CACNA1D: variants seen among roughly 807,000 people sequenced by gnomAD.
CACNA1D encodes the protein voltage-dependent L-type calcium channel subunit alpha-1D.
CACNA1D carries 55 observed loss-of-function variants against 257.1 expected under a neutral mutation model. The ratio of observed to expected loss-of-function variants is 0.21; its 90% confidence interval spans 0.17 to 0.27. The LOEUF is 0.27. Ranked by LOEUF, CACNA1D falls within the 10% of genes least tolerant of loss-of-function variation. CACNA1D has a pLI of 1.00. For synonymous variants in CACNA1D, 980 were observed against 1,014.9 expected, an observed-to-expected ratio of 0.97 and a Z score of 0.65; for missense variants, 1,876 against 2,784.0, an observed-to-expected ratio of 0.67 and a Z score of 7.34.
chr3:53,677,052 A>G (rs970375120), intron 8 of CACNA1D, among the ~76,000 whole-genome samples: 13 of 152,100 alleles, frequency 8.5e-5, no homozygotes, highest in African/African-American at 2.9e-4. Flanking sequence ...AAGTTTGGCA[A>G]TTTTTCACTT....
rs1369663787 is a variant in CACNA1D at position 53,745,653 on chromosome 3, C to A, written c.3036C>A (p.Ile1012=). The change falls in exon 24 of 48, where the codon ATC becomes ATA. Residue 1012 remains isoleucine (I), a synonymous_variant. Transcript: ENST00000350061. ...KHVVQCVFVA[I]RTIGNIMIVT... ...TGGTCCAGTGCGTCTTCGTGGCCAT[C>A]CGGACCATCGGCAACATCATGATCG... The A allele has an allele frequency of 1.9e-6, 3 of 1,613,878 alleles. No homozygotes were observed. Among genetic ancestry groups the A allele is most frequent in the Non-Finnish European group, 2.5e-6 (3 of 1,179,856 alleles).
chr3:53,641,920 TTCTC>T (rs1471228852), intron 3 of CACNA1D, among the ~76,000 whole-genome samples: 1 of 152,152 alleles, frequency 6.6e-6, no homozygotes, highest in African/African-American at 2.4e-5. Flanking sequence ...CTACTGAAGA[TTCTC>T]TCTCTCAGAT....
intron 10 of CACNA1D, 182 bp downstream of exon 10, chr3:53,718,570 T>G: frequency 1.4e-6 from 1 of 717,958 alleles, no homozygotes; most frequent in Non-Finnish European, 2.4e-6. Context: ...CCTGCACACC[T>G]CCCCACCCCC....
At chr3:53,506,897 A>G (rs757264805) in intron 3 of CACNA1D, among the ~76,000 whole-genome samples, 3 of 152,088 alleles carry the variant, frequency 2.0e-5, no homozygotes, top group Non-Finnish European at 4.4e-5. Context: ...TGGATGTGTG[A>G]CTGTCACCTT....
intron 3 of CACNA1D, among the ~76,000 whole-genome samples, chr3:53,555,437 G>GGTGTGTGT (rs1165879084): frequency 3.7e-4 from 46 of 122,900 alleles, no homozygotes; most frequent in African/African-American, 7.2e-4. Context: ...TTTTCTGGTG[G>GGTGTGTGT]GTGTGTGTGT....
chr3:53,805,953 CCCT>C (rs1304167603), intron 45 of CACNA1D, among the ~76,000 whole-genome samples: 5 of 130,970 alleles, frequency 3.8e-5, no homozygotes, highest in Admixed American at 7.4e-5. Context: ...CCCTCATCTT[CCCT>C]CCTCCTCCCT....
intron 3 of CACNA1D, among the ~76,000 whole-genome samples, chr3:53,556,774 G>A (rs868566481): frequency 6.6e-6 from 1 of 151,150 alleles, no homozygotes; most frequent in Admixed American, 6.6e-5. Context: ...GGAGTGCAGC[G>A]ATGTGATCTT....
intron 8 of CACNA1D, among the ~76,000 whole-genome samples, chr3:53,701,515 G>A (rs1179293492): frequency 6.6e-6 from 1 of 152,204 alleles, no homozygotes; most frequent in Non-Finnish European, 1.5e-5. Flanking sequence ...TATCGAGGTA[G>A]GACCCTGAAA....
Position 53,810,099 on chromosome 3 carries a change from C to A in CACNA1D, c.5993C>A (p.Thr1998Asn), listed in dbSNP as rs141581705. 930 of 1,613,692 alleles carry A rather than the reference C, an allele frequency of 5.8e-4. 1 individual carries two copies. The highest frequency in any genetic ancestry group is 7.7e-4 in the Non-Finnish European group (905 of 1,179,900). ...TACCGGGACTGGACACCGTGCTACA[C>A]CCCCCTGATCCAAGTGGAGCAGTCA... ...PPYRDWTPCYTPLIQVEQSEA... is the reference protein window; with the variant it reads ...PPYRDWTPCYNPLIQVEQSEA... The change falls in exon 47 of 48, where the codon ACC (threonine) becomes AAC (asparagine). Residue 1998 changes from threonine (T) to asparagine (N), a missense_variant. Transcript: ENST00000350061.
intron 15 of CACNA1D, among the ~76,000 whole-genome samples, chr3:53,729,474 G>A (rs2094967318): frequency 6.6e-6 from 1 of 152,196 alleles, no homozygotes; most frequent in Admixed American, 6.5e-5. Flanking sequence ...GCATCAGGCA[G>A]AGAGAAGCAT....
At chr3:53,500,738 T>G (rs1162963986) in intron 2 of CACNA1D, among the ~76,000 whole-genome samples, 1 of 152,194 alleles carries the variant, frequency 6.6e-6, no homozygotes, top group Non-Finnish European at 1.5e-5. Flanking sequence ...GATGTCAAAT[T>G]TTGTGTTGCC....
chr3:53,749,151 G>C (rs1576548127), intron 26 of CACNA1D, 117 bp from the exon 27 acceptor site: 1 of 754,264 alleles, frequency 1.3e-6, no homozygotes, highest in African/African-American at 1.7e-5. Flanking sequence ...CTTGGGGTGG[G>C]TTCCCAGCGA....
intron 29 of CACNA1D, among the ~76,000 whole-genome samples, chr3:53,754,559 C>T (rs1233300792): frequency 2.0e-5 from 3 of 152,218 alleles, no homozygotes; most frequent in African/African-American, 4.8e-5. Flanking sequence ...TGTAGCGCCA[C>T]GCTGCGGACT....
chr3:53,691,888 T>TTA lies in CACNA1D; in HGVS notation c.1221-10745_1221-10744dup, dbSNP rs200378256. Among the ~76,000 whole-genome samples the TTA allele has an allele frequency of 5.9e-3, 344 of 57,840 alleles. 17 individuals are homozygous for TTA. In the East Asian group the frequency reaches 0.13, roughly 23 times the overall value. The allele number at this position is 57,840 out of a possible 152,430, so 37.9% of individuals were successfully genotyped here. On this transcript the variant is annotated intron_variant, in intron 8 of 47. Coordinates refer to ENST00000350061, the MANE Select transcript of CACNA1D (RefSeq NM_001128840.3). ...TTATATATATTACATATAATATATA[T>TTA]TATATATATTACATATATTATATAT...
chr3:53,622,953 G>A (rs531531178), intron 3 of CACNA1D, among the ~76,000 whole-genome samples: 1 of 151,388 alleles, frequency 6.6e-6, no homozygotes, highest in South Asian at 2.1e-4. Flanking sequence ...GCAATGGCTC[G>A]ATCTCCGCTC....
At chr3:53,690,065 G>A (rs971528459) in intron 8 of CACNA1D, among the ~76,000 whole-genome samples, 3 of 152,146 alleles carry the variant, frequency 2.0e-5, no homozygotes, top group Admixed American at 6.5e-5. Context: ...TACAGATGAG[G>A]AAATCAAGAC....
chr3:53,563,489 A>G (rs1360314139), intron 3 of CACNA1D, among the ~76,000 whole-genome samples: 1 of 144,500 alleles, frequency 6.9e-6, no homozygotes, highest in Non-Finnish European at 1.5e-5. Flanking sequence ...GCACCACTGC[A>G]CTCCAGCCTG....
At chr3:53,748,829 A>G (rs1390372232) in intron 26 of CACNA1D, among the ~76,000 whole-genome samples, 1 of 152,124 alleles carries the variant, frequency 6.6e-6, no homozygotes, top group African/African-American at 2.4e-5. Context: ...CTTCCTGTTA[A>G]GAGTTCCGCT....
chr3:53,809,213 G>A (rs1252722432), intron 46 of CACNA1D: 2 of 187,880 alleles, frequency 1.1e-5, no homozygotes, highest in Non-Finnish European at 2.2e-5. Flanking sequence ...GTACTATGCA[G>A]GGTTAACCTC....
Sources: allele counts gnomAD v4.1 joint callset (sites outside exome capture counted in the v4.1 genomes callset), GRCh38; gene constraint gnomAD v4.1.1; transcripts MANE v1.5; gene names NCBI Gene and HGNC (gene_info 2026-07-23, HGNC 2026-07-21).